Variants in LDB2 observed in about 807,000 individuals in gnomAD.
LDB2 encodes LIM domain binding 2.
In LDB2, 12 loss-of-function variants were observed where a neutral mutation model predicts 44.3. The ratio of observed to expected loss-of-function variants is 0.27; its 90% CI spans 0.17 to 0.44. LDB2 has a LOEUF of 0.44. Ranked by LOEUF, LDB2 falls within the 20% of genes least tolerant of loss-of-function variation. The probability of loss-of-function intolerance (pLI) is 1.00; values close to 1 mark genes in which losing one functional copy is unlikely to be tolerated. For missense variants in LDB2, 344 were observed against 473.5 expected (o/e 0.73, Z 2.54); for synonymous variants, 164 against 174.8 (o/e 0.94, Z 0.49).
chr4:16,735,249 G>A (rs1579178524), intron 2 of LDB2, among the ~76,000 whole-genome samples: 1 of 152,114 alleles, frequency 6.6e-6, no homozygotes. Context: ...GAGACAGGAA[G>A]GGAGATGGAA....
chr4:16,701,773 C>T (rs1217356091), intron 2 of LDB2, among the ~76,000 whole-genome samples: 3 of 152,128 alleles, frequency 2.0e-5, no homozygotes, highest in African/African-American at 7.2e-5. Context: ...TAATATTGTT[C>T]ACATTACTTA....
chr4:16,876,870 T>C (rs1718547643), intron 1 of LDB2, among the ~76,000 whole-genome samples: 1 of 151,882 alleles, frequency 6.6e-6, no homozygotes, highest in South Asian at 2.1e-4. Flanking sequence ...AACCATTGAT[T>C]CAGTGAAAAT....
chr4:16,558,232 G>A (rs1740537982), intron 5 of LDB2, among the ~76,000 whole-genome samples: 1 of 152,194 alleles, frequency 6.6e-6, no homozygotes, highest in Admixed American at 6.5e-5. Context: ...CGAGCTGAGA[G>A]AAGAAGGCTT....
At chr4:16,671,505 G>C (rs1744763479) in intron 2 of LDB2, among the ~76,000 whole-genome samples, 1 of 152,100 alleles carries the variant, frequency 6.6e-6, no homozygotes, top group Non-Finnish European at 1.5e-5. Context: ...TCAGCAGTCA[G>C]AGCCCAAGCC....
chr4:16,756,427 T>C (rs1179163927), intron 2 of LDB2, among the ~76,000 whole-genome samples: 1 of 152,126 alleles, frequency 6.6e-6, no homozygotes, highest in African/African-American at 2.4e-5. Flanking sequence ...CACCCCAGCC[T>C]GGGTGACAGA....
intron 2 of LDB2, among the ~76,000 whole-genome samples, chr4:16,745,901 A>C (rs1324544778): frequency 1.3e-5 from 2 of 151,990 alleles, no homozygotes; most frequent in Non-Finnish European, 2.9e-5. Flanking sequence ...GTTGAAAAAA[A>C]AAAAAAAGTT....
chr4:16,707,772 A>G (rs1490196801), intron 2 of LDB2, among the ~76,000 whole-genome samples: 1 of 152,162 alleles, frequency 6.6e-6, no homozygotes, highest in Non-Finnish European at 1.5e-5. Context: ...CAGCTCAAAA[A>G]AGAAATGCTT....
intron 2 of LDB2, among the ~76,000 whole-genome samples, chr4:16,671,590 G>A (rs1015675553): frequency 2.0e-5 from 3 of 152,156 alleles, no homozygotes; most frequent in African/African-American, 7.2e-5. Flanking sequence ...GGCTTAGAAT[G>A]TGCAAATGAA....
chr4:16,556,267 A>G (rs1261584389), intron 5 of LDB2, among the ~76,000 whole-genome samples: 1 of 152,228 alleles, frequency 6.6e-6, no homozygotes, highest in Non-Finnish European at 1.5e-5. Flanking sequence ...TTATATTTCT[A>G]GCACCTAGCA....
At chr4:16,518,614 C>T (rs1176304757) in intron 5 of LDB2, among the ~76,000 whole-genome samples, 2 of 152,104 alleles carry the variant, frequency 1.3e-5, no homozygotes, top group Non-Finnish European at 2.9e-5. Context: ...TGTGCTACAG[C>T]AAAGCTCAGT....
chr4:16,594,598 CG>C, intron 3 of LDB2, among the ~76,000 whole-genome samples: 1 of 152,260 alleles, frequency 6.6e-6, no homozygotes, highest in South Asian at 2.1e-4. Context: ...CCTTTGGTTT[CG>C]TACACCAGCA....
At chr4:16,812,998 C>CT (rs543496196) in intron 1 of LDB2, among the ~76,000 whole-genome samples, 22 of 149,284 alleles carry the variant, frequency 1.5e-4, no homozygotes, top group South Asian at 6.4e-4. Flanking sequence ...TCAGTTTACT[C>CT]TTTTTTTTTT....
intron 1 of LDB2, among the ~76,000 whole-genome samples, chr4:16,767,046 G>A (rs1287538255): frequency 6.6e-6 from 1 of 152,120 alleles, no homozygotes. Flanking sequence ...GTTTGTACCT[G>A]TCTATATTTT....
At chr4:16,591,697 A>G (rs1578055576) in intron 3 of LDB2, among the ~76,000 whole-genome samples, 1 of 152,206 alleles carries the variant, frequency 6.6e-6, no homozygotes, top group Non-Finnish European at 1.5e-5. Flanking sequence ...TTTACATGCA[A>G]CAGCCAGCAA....
chr4:16,512,114 GT>G lies in LDB2; in HGVS notation c.616-11del. On this transcript the variant is annotated splice_polypyrimidine_tract_variant and intron_variant, in intron 5 of 7. Transcript: ENST00000304523. ...CCAATATTACACACAACTGCAAGAA[GT>G]TCAAAGACATTGGCATTTCACTACT... 1 of 1,595,242 alleles carries G rather than the reference GT, an allele frequency of 6.3e-7. No homozygotes were observed. Among genetic ancestry groups the G allele is most frequent in the Non-Finnish European group, 8.6e-7 (1 of 1,168,416 alleles).
At chr4:16,522,276 TTGTG>T (rs139556977) in intron 5 of LDB2, among the ~76,000 whole-genome samples, 25 of 150,232 alleles carry the variant, frequency 1.7e-4, no homozygotes, top group Non-Finnish European at 3.4e-4. Flanking sequence ...GTGTGTGTGT[TTGTG>T]TGTGTGTGTG....
chr4:16,614,845 C>A (rs373570616), intron 2 of LDB2, among the ~76,000 whole-genome samples: 2,664 of 150,698 alleles, frequency 0.018, 37 homozygotes, highest in South Asian at 0.046. Context: ...CCGAGGCGGG[C>A]GGATCATGAG....
At chr4:16,660,796 A>G (rs1490091974) in intron 2 of LDB2, among the ~76,000 whole-genome samples, 1 of 152,176 alleles carries the variant, frequency 6.6e-6, no homozygotes, top group Non-Finnish European at 1.5e-5. Context: ...GTGAAGAAGG[A>G]CACTGTAAGA....
At chr4:16,581,267 C>G (rs945361769) in intron 5 of LDB2, 1 of 235,108 alleles carries the variant, frequency 4.3e-6, no homozygotes, top group Non-Finnish European at 6.9e-6. Flanking sequence ...ATGGCGTAGC[C>G]CATTTCACAG....
Sources: allele counts gnomAD v4.1 joint callset (sites outside exome capture counted in the v4.1 genomes callset), GRCh38; gene constraint gnomAD v4.1.1; transcripts MANE v1.5; gene names NCBI Gene and HGNC (gene_info 2026-07-23, HGNC 2026-07-21).